The following KANSL1 variants were observed in gnomAD, a reference collection of about 807,000 sequenced individuals.
KANSL1 encodes MLL1/MLL complex subunit KANSL1.
KANSL1 carries 22 observed loss-of-function variants against 103.6 expected under a neutral mutation model. The observed-to-expected ratio is 0.21, with a 90% CI of 0.15 to 0.30. KANSL1 has a LOEUF of 0.30. KANSL1 is among the 10% of genes least tolerant of loss of function. KANSL1 has a pLI of 1.00. For synonymous variants in KANSL1, 600 were observed against 527.6 expected, an observed-to-expected ratio of 1.14 and a Z score of -1.88; for missense variants, 1,337 against 1,399.8, an observed-to-expected ratio of 0.96 and a Z score of 0.72.
intron 4 of KANSL1, among the ~76,000 whole-genome samples, chr17:46,076,785 T>C (rs1245547839): frequency 3.3e-5 from 5 of 152,192 alleles, no homozygotes; most frequent in African/African-American, 1.2e-4. Context: ...AAGTATTTTA[T>C]GTTTCTTGAT....
chr17:46,078,955 C>T (rs888422005), intron 4 of KANSL1, among the ~76,000 whole-genome samples: 1 of 152,268 alleles, frequency 6.6e-6, no homozygotes, highest in South Asian at 2.1e-4. Context: ...GCTAGAGGCC[C>T]GTTAAGTTTT....
At chr17:46,084,697 TAAAAAAAAAA>T (rs67108405) in intron 3 of KANSL1, among the ~76,000 whole-genome samples, 45 of 74,508 alleles carry the variant, frequency 6.0e-4, no homozygotes, top group African/African-American at 2.2e-3. Flanking sequence ...TTTTAAAAAT[TAAAAAAAAAA>T]AAAAAAAAAA....
intron 2 of KANSL1, among the ~76,000 whole-genome samples, chr17:46,168,832 A>G (rs946960750): frequency 6.6e-6 from 1 of 152,210 alleles, no homozygotes; most frequent in African/African-American, 2.4e-5. Flanking sequence ...TACACTTCAC[A>G]CCCTTCCAAA....
intron 2 of KANSL1, among the ~76,000 whole-genome samples, chr17:46,161,429 C>G (rs2045736882): frequency 6.6e-6 from 1 of 150,406 alleles, no homozygotes; most frequent in Admixed American, 6.7e-5. Flanking sequence ...GAGCGAGACT[C>G]TGTCTCAAAA....
intron 1 of KANSL1, chr17:46,221,892 G>A (rs1431910644): frequency 2.6e-5 from 4 of 152,132 alleles, no homozygotes; most frequent in Admixed American, 2.6e-4. Flanking sequence ...CAATGAAAAA[G>A]AGAATAAAGT....
chr17:46,137,277 T>TA (rs2044194745), intron 2 of KANSL1, among the ~76,000 whole-genome samples: 1 of 152,266 alleles, frequency 6.6e-6, no homozygotes, highest in African/African-American at 2.4e-5. Context: ...TACTTCATGC[T>TA]AAAGCATTTT....
At chr17:46,059,538 A>G (rs1286682846) in intron 6 of KANSL1, among the ~76,000 whole-genome samples, 2 of 150,726 alleles carry the variant, frequency 1.3e-5, no homozygotes, top group East Asian at 4.0e-4. Context: ...AAGGAGAATC[A>G]TATGAACCCG....
In KANSL1 at chr17:46,050,636, G is replaced by A; in HGVS notation, c.1917C>T (p.Gly639=). 6.2e-7 allele frequency: 1 copy of A among 1,614,196 alleles called. No individual in the cohort carries two copies. The highest frequency in any genetic ancestry group is 8.5e-7 in the Non-Finnish European group (1 of 1,180,028). Residue 639 remains glycine, a synonymous_variant, in exon 7 of 15, where the codon GGC becomes GGT. Coordinates refer to ENST00000432791, the MANE Select transcript of KANSL1 (RefSeq NM_015443.4). ...TTTCGGGAGGCATGGTGTTGATGCTGCCTGAACCACACAGTGCGCAGGAGG... is the reference window on the plus strand; with the variant it reads ...TTTCGGGAGGCATGGTGTTGATGCTACCTGAACCACACAGTGCGCAGGAGG... ...VNPSCALCGS[G]SINTMPPEIH...
At chr17:46,154,219 C>T (rs1189065248) in intron 2 of KANSL1, among the ~76,000 whole-genome samples, 1 of 152,240 alleles carries the variant, frequency 6.6e-6, no homozygotes, top group Non-Finnish European at 1.5e-5. Flanking sequence ...ACTGGCATAT[C>T]CACATGCTTA....
At chr17:46,099,339 A>G (rs1399990635) in intron 2 of KANSL1, among the ~76,000 whole-genome samples, 1 of 111,516 alleles carries the variant, frequency 9.0e-6, no homozygotes, top group African/African-American at 2.7e-5. Flanking sequence ...AAAAAAAAAC[A>G]AAACAAAAAA....
chr17:46,057,069 T>A (rs965132555), intron 6 of KANSL1, among the ~76,000 whole-genome samples: 5 of 152,140 alleles, frequency 3.3e-5, no homozygotes, highest in African/African-American at 1.2e-4. Flanking sequence ...ATATTAGTGG[T>A]GAGTCACAGT....
chr17:46,175,322 G>A (rs1280549206), intron 1 of KANSL1, among the ~76,000 whole-genome samples: 1 of 103,356 alleles, frequency 9.7e-6, no homozygotes, highest in East Asian at 2.1e-4. Flanking sequence ...GTGTGTGTGT[G>A]TGTGTGTGTG....
chr17:46,052,070 C>T lies in KANSL1; in HGVS notation c.1849-1366G>A, dbSNP rs940388712. Among the ~76,000 whole-genome samples, 11 of 152,110 alleles carry T rather than the reference C, an allele frequency of 7.2e-5. 1 individual carries two copies. Among genetic ancestry groups the T allele is most frequent in the Admixed American group, 7.2e-4 (11 of 15,286 alleles). ...CCTGTATCTATGTAATCAGAGCTGG[C>T]TTTCTGGAGAGGATGACATTTTGAG... On this transcript the variant is annotated intron_variant, in intron 6 of 14. Transcript: ENST00000432791.
chr17:46,055,358 G>C (rs939575404), intron 6 of KANSL1, among the ~76,000 whole-genome samples: 3 of 151,512 alleles, frequency 2.0e-5, no homozygotes, highest in Admixed American at 6.6e-5. Context: ...CCAGCTACTC[G>C]GGAGGCTGAG....
At chr17:46,144,506 C>G (rs1046880982) in intron 2 of KANSL1, among the ~76,000 whole-genome samples, 13 of 152,162 alleles carry the variant, frequency 8.5e-5, no homozygotes, top group Non-Finnish European at 1.9e-4. Context: ...TTTTTCTAAT[C>G]ATTTACAAAA....
intron 2 of KANSL1, among the ~76,000 whole-genome samples, chr17:46,105,906 G>GAGACACACACAC (rs778730504): frequency 1.8e-3 from 171 of 95,152 alleles, no homozygotes; most frequent in African/African-American, 7.2e-3. Context: ...GCAAGGCCTT[G>GAGACACACACAC]ACACACACAC....
At chr17:46,058,982 G>A (rs1187687521) in intron 6 of KANSL1, among the ~76,000 whole-genome samples, 3 of 151,530 alleles carry the variant, frequency 2.0e-5, no homozygotes, top group Non-Finnish European at 4.4e-5. Flanking sequence ...GGGAGATGGA[G>A]GTTTCAGTGA....
At chr17:46,130,443 C>T (rs1441483474) in intron 2 of KANSL1, among the ~76,000 whole-genome samples, 1 of 152,132 alleles carries the variant, frequency 6.6e-6, no homozygotes, top group Non-Finnish European at 1.5e-5. Flanking sequence ...CAAACTTGAG[C>T]CTTCATGTTA....
upstream of KANSL1, among the ~76,000 whole-genome samples, chr17:46,224,233 C>T (rs559361819): frequency 6.6e-6 from 1 of 152,200 alleles, no homozygotes; most frequent in Non-Finnish European, 1.5e-5. Flanking sequence ...AGAGTCAATT[C>T]CACATGAAAA....
Sources: allele counts gnomAD v4.1 joint callset (sites outside exome capture counted in the v4.1 genomes callset), GRCh38; gene constraint gnomAD v4.1.1; transcripts MANE v1.5; gene names NCBI Gene and HGNC (gene_info 2026-07-23, HGNC 2026-07-21).